Variants in ABCC9 observed in about 807,000 individuals in gnomAD.
The protein encoded by ABCC9 is ATP-binding cassette sub-family C member 9.
In ABCC9, 95 loss-of-function variants were observed where a neutral mutation model predicts 188.3. The ratio of observed to expected loss-of-function variants is 0.50; its 90% CI spans 0.43 to 0.60. The LOEUF is 0.60. ABCC9 is among the 20% of genes least tolerant of loss of function. The pLI is 0.00. For synonymous variants in ABCC9, 659 were observed against 652.7 expected, an observed-to-expected ratio of 1.01 and a Z score of -0.15; for missense variants, 1,102 against 1,876.3, an observed-to-expected ratio of 0.59 and a Z score of 7.62.
intron 4 of ABCC9, among the ~76,000 whole-genome samples, chr12:21,928,251 G>A (rs1486429086): frequency 2.1e-5 from 3 of 142,820 alleles, no homozygotes; most frequent in Non-Finnish European, 3.1e-5. Context: ...GAAGGGGAGG[G>A]GAGGGGAGGG....
In ABCC9 at chr12:21,861,752, C is replaced by T. The variant is rs375359189; in HGVS notation, c.2340-697G>A. Among the ~76,000 whole-genome samples the T allele has an allele frequency of 2.6e-5, 4 of 152,118 alleles. 1 individual carries two copies. The highest frequency in any genetic ancestry group is 9.6e-5 in the African/African-American group (4 of 41,476). On this transcript the variant is annotated intron_variant, in intron 20 of 39. Transcript: ENST00000261200. The stretch of plus-strand genomic sequence containing the variant: ...AAGTTTTCAGGAAGAAAATGAGTAA[C>T]GAAGTTTAAGGAACTTGAGAAAGTA...
intron 20 of ABCC9, among the ~76,000 whole-genome samples, chr12:21,862,717 C>G (rs1425739119): frequency 6.6e-6 from 1 of 152,080 alleles, no homozygotes; most frequent in Non-Finnish European, 1.5e-5. Context: ...ACTTCAATTG[C>G]TGTTTAGTTT....
At chr12:21,884,558 T>G (rs1485222468) in intron 15 of ABCC9, among the ~76,000 whole-genome samples, 2 of 152,210 alleles carry the variant, frequency 1.3e-5, no homozygotes, top group African/African-American at 2.4e-5. Context: ...GGTTTTACTA[T>G]GGGAATTAGG....
intron 25 of ABCC9, 99 bp from the exon 26 acceptor site, chr12:21,845,931 A>T: frequency 1.1e-6 from 1 of 932,466 alleles, no homozygotes; most frequent in Non-Finnish European, 1.7e-6. Flanking sequence ...TACATTTATA[A>T]AAATGTAAGC....
chr12:21,806,697 G>A (rs1355085011), intron 38 of ABCC9, among the ~76,000 whole-genome samples: 1 of 152,062 alleles, frequency 6.6e-6, no homozygotes, highest in Admixed American at 6.6e-5. Context: ...TGTCCTTTCT[G>A]AAGTCAAATT....
intron 38 of ABCC9, among the ~76,000 whole-genome samples, chr12:21,806,307 A>C (rs1341831360): frequency 6.6e-6 from 1 of 152,188 alleles, no homozygotes; most frequent in Admixed American, 6.5e-5. Context: ...TTTCCAGGAA[A>C]TGCAAAGAAG....
At position 21,822,790 on chromosome 12, in the gene ABCC9, C is replaced by CAAA. The variant is rs538002229; in HGVS notation, c.3670-4542_3670-4540dup. On this transcript the variant is annotated intron_variant, in intron 31 of 39. Transcript: ENST00000261200. ...TGGGCGACAGAGTGAGACTCCGTCT[C>CAAA]AAAAAAAAAAAAAAAAAAAGCTTTT... 3.6e-4 allele frequency among the ~76,000 whole-genome samples: 30 copies of CAAA among 84,234 alleles called. 1 individual carries two copies. Among genetic ancestry groups the CAAA allele is most frequent in the African/African-American group, 1.3e-3 (28 of 21,618 alleles). The allele number at this position is 84,234 out of a possible 152,430, so 55.3% of individuals were successfully genotyped here. A position where few individuals can be genotyped will look rare whatever the true frequency, so the allele number is the denominator to read the frequency against.
intron 17 of ABCC9, 76 bp downstream of exon 17, chr12:21,875,578 G>T: frequency 9.1e-7 from 1 of 1,094,572 alleles, no homozygotes; most frequent in Non-Finnish European, 1.4e-6. Flanking sequence ...GTATCTTTTT[G>T]TTAGGCTCAA....
intron 31 of ABCC9, 128 bp from the exon 32 acceptor site, chr12:21,818,379 G>T (rs1421064365): frequency 1.3e-6 from 1 of 751,740 alleles, no homozygotes; most frequent in African/African-American, 1.7e-5. Flanking sequence ...AGTTTCAGAG[G>T]AAGAATACCT....
chr12:21,828,877 T>C, intron 31 of ABCC9, 81 bp downstream of exon 31: 1 of 1,152,546 alleles, frequency 8.7e-7, no homozygotes, highest in Non-Finnish European at 1.3e-6. Flanking sequence ...AGTGGAATAC[T>C]AATTTTTACA....
intron 30 of ABCC9, among the ~76,000 whole-genome samples, chr12:21,834,786 T>TACAC (rs61211269): frequency 0.19 from 26,385 of 140,962 alleles, 2,918 homozygotes; most frequent in South Asian, 0.28. Flanking sequence ...TATAACATTA[T>TACAC]ACACACACAC....
intron 2 of ABCC9, 76 bp downstream of exon 2, chr12:21,940,634 G>A (rs1414566042): frequency 6.6e-6 from 1 of 152,134 alleles, no homozygotes; most frequent in Non-Finnish European, 1.5e-5. Flanking sequence ...AAATTACTCA[G>A]TAGGTATTCC....
At chr12:21,914,623 A>G (rs1189197189) in intron 7 of ABCC9, among the ~76,000 whole-genome samples, 3 of 152,178 alleles carry the variant, frequency 2.0e-5, no homozygotes, top group African/African-American at 7.2e-5. Flanking sequence ...AAAAGACAAT[A>G]ACAAAAATTT....
chr12:21,896,239 A>G (rs1227297885), intron 12 of ABCC9, among the ~76,000 whole-genome samples: 2 of 152,040 alleles, frequency 1.3e-5, no homozygotes, highest in Admixed American at 6.5e-5. Context: ...GGTTTTAAAA[A>G]TCATCTGCTC....
At chr12:21,849,781 A>C (rs1036426346) in intron 24 of ABCC9, among the ~76,000 whole-genome samples, 3 of 152,196 alleles carry the variant, frequency 2.0e-5, no homozygotes, top group Non-Finnish European at 4.4e-5. Flanking sequence ...CCAGGTGAGG[A>C]CAGTAGAGAG....
At chr12:21,829,420 C>T (rs1273713844) in intron 30 of ABCC9, among the ~76,000 whole-genome samples, 1 of 152,014 alleles carries the variant, frequency 6.6e-6, no homozygotes, top group African/African-American at 2.4e-5. Flanking sequence ...CCAGGATGGT[C>T]TCGATCTCCT....
intron 22 of ABCC9, among the ~76,000 whole-genome samples, chr12:21,859,305 A>G (rs1337835156): frequency 6.6e-6 from 1 of 152,126 alleles, no homozygotes; most frequent in Non-Finnish European, 1.5e-5. Flanking sequence ...TCGTTCATCC[A>G]ATACCATCCA....
In ABCC9 at chr12:21,882,864, T is replaced by C. The variant is rs755145193; in HGVS notation, c.1921A>G (p.Thr641Ala). 5 of 1,612,896 alleles carry C rather than the reference T, an allele frequency of 3.1e-6. No individual in the cohort carries two copies. Among genetic ancestry groups the C allele is most frequent in the South Asian group, 2.2e-5 (2 of 91,068 alleles). Reference sequence around the variant, plus strand: ...CTTCCAGGCTGTTTCCTGTTTATAGTTTTTGGCTGCTGCATTCCAAATGGA... The same window carrying C: ...CTTCCAGGCTGTTTCCTGTTTATAGCTTTTGGCTGCTGCATTCCAAATGGA... ...CKKHTGVQPK[T>A]INRKQPGRYH... Residue 641 changes from threonine to alanine, a missense_variant, in exon 16 of 40, where the codon ACT (threonine) becomes GCT (alanine). Transcript: ENST00000261200.
At chr12:21,908,361 A>G in intron 10 of ABCC9, 150 bp from the exon 11 acceptor site, 1 of 1,003,958 alleles carries the variant, frequency 1.0e-6, no homozygotes, top group South Asian at 1.5e-5. Context: ...CTAGAGGGAC[A>G]GAATTAACCA....
Sources: allele counts gnomAD v4.1 joint callset (sites outside exome capture counted in the v4.1 genomes callset), GRCh38; gene constraint gnomAD v4.1.1; transcripts MANE v1.5; gene names NCBI Gene and HGNC (gene_info 2026-07-23, HGNC 2026-07-21).